Variants in LUZP1 observed in about 807,000 individuals in gnomAD.
The protein encoded by LUZP1 is filamin mechanobinding actin cross-linking protein.
Under a neutral mutation model 71.3 loss-of-function variants are expected in LUZP1, and 25 were observed. The observed-to-expected ratio is 0.35, with a 90% confidence interval of 0.26 to 0.49. LUZP1 has a LOEUF of 0.49. Among genes scored for constraint, LUZP1 ranks in the 20% least tolerant of loss-of-function variants. The pLI, the probability that LUZP1 is intolerant of heterozygous loss-of-function variation, is 0.99. For synonymous variants in LUZP1, 481 were observed against 506.4 expected (o/e 0.95, Z 0.67); for missense variants, 1,142 against 1,300.8 (o/e 0.88, Z 1.88).
intron 2 of LUZP1, among the ~76,000 whole-genome samples, chr1:23,160,895 T>TA (rs1419842154): frequency 6.6e-6 from 1 of 152,218 alleles, no homozygotes; most frequent in Non-Finnish European, 1.5e-5. Flanking sequence ...AGATATGTGA[T>TA]AGTGTGATTT....
chr1:23,098,659 G>A (rs1643907883), intron 3 of LUZP1, among the ~76,000 whole-genome samples: 1 of 152,202 alleles, frequency 6.6e-6, no homozygotes, highest in Non-Finnish European at 1.5e-5. Flanking sequence ...AGCAACGATA[G>A]AGTATTAGGT....
intron 2 of LUZP1, among the ~76,000 whole-genome samples, chr1:23,113,805 G>A (rs927800339): frequency 6.6e-6 from 1 of 151,958 alleles, no homozygotes; most frequent in Admixed American, 6.6e-5. Flanking sequence ...GCCTGAATCC[G>A]GGAGGCAGAG....
chr1:23,164,673 T>C (rs1644496138), intron 2 of LUZP1, among the ~76,000 whole-genome samples: 1 of 152,158 alleles, frequency 6.6e-6, no homozygotes, highest in African/African-American at 2.4e-5. Flanking sequence ...TGAGAAATTA[T>C]GAAAAGGAAG....
At chr1:23,156,533 T>A (rs981716498) in intron 2 of LUZP1, among the ~76,000 whole-genome samples, 1 of 152,198 alleles carries the variant, frequency 6.6e-6, no homozygotes, top group South Asian at 2.1e-4. Flanking sequence ...CAATATTAAT[T>A]TATTAACGTT....
chr1:23,091,872 G>C, exon 4 of LUZP1: 1 of 1,614,154 alleles, frequency 6.2e-7, no homozygotes, highest in South Asian at 1.1e-5. Context: ...TGGATATATA[G>C]TAATGCTACT....
At chr1:23,099,289 T>A (rs987524897) in intron 3 of LUZP1, among the ~76,000 whole-genome samples, 3 of 152,236 alleles carry the variant, frequency 2.0e-5, no homozygotes, top group Admixed American at 1.3e-4. Context: ...ACACCAATTT[T>A]AAATGAGTGT....
chr1:23,103,975 G>T (rs1403682942), intron 3 of LUZP1, among the ~76,000 whole-genome samples: 1 of 150,070 alleles, frequency 6.7e-6, no homozygotes, highest in Non-Finnish European at 1.5e-5. Context: ...TGTATTCGGG[G>T]AATTTAATTC....
chr1:23,164,912 G>C (rs1440655451), intron 2 of LUZP1, among the ~76,000 whole-genome samples: 3 of 152,060 alleles, frequency 2.0e-5, no homozygotes, highest in Non-Finnish European at 4.4e-5. Flanking sequence ...TATTTCAGGA[G>C]CTACCATTTC....
intron 2 of LUZP1, among the ~76,000 whole-genome samples, chr1:23,165,397 C>G (rs1271946931): frequency 6.7e-6 from 1 of 148,970 alleles, no homozygotes; most frequent in Non-Finnish European, 1.5e-5. Flanking sequence ...CCGGGCAGGG[C>G]ATGATGGCTC....
At chr1:23,121,517 A>C (rs182024807) in intron 2 of LUZP1, among the ~76,000 whole-genome samples, 25 of 152,322 alleles carry the variant, frequency 1.6e-4, no homozygotes, top group Middle Eastern at 3.4e-3. Context: ...CAGGAGTTCA[A>C]GACTAGCCTG....
intron 1 of LUZP1, among the ~76,000 whole-genome samples, chr1:23,177,075 G>GT (rs1044061134): frequency 1.9e-5 from 1 of 54,040 alleles, no homozygotes; most frequent in Non-Finnish European, 3.7e-5. Context: ...AAGGATGATG[G>GT]GGGGGGGGTC....
At chr1:23,133,940 G>T (rs1350849040) in intron 2 of LUZP1, among the ~76,000 whole-genome samples, 1 of 152,046 alleles carries the variant, frequency 6.6e-6, no homozygotes, top group African/African-American at 2.4e-5. Flanking sequence ...CGATTTATGG[G>T]ACATTATAAC....
intron 2 of LUZP1, among the ~76,000 whole-genome samples, chr1:23,110,638 A>G (rs929866745): frequency 8.7e-5 from 13 of 149,884 alleles, no homozygotes; most frequent in African/African-American, 3.0e-4. Flanking sequence ...GCACACATAC[A>G]CACACACACA....
chr1:23,085,018 G>A (rs1367986851), exon 5 of LUZP1: 1 of 152,656 alleles, frequency 6.6e-6, no homozygotes, highest in African/African-American at 2.4e-5. Flanking sequence ...AGCCAACAGA[G>A]AGCATTCGCG....
At chr1:23,090,098 C>A (rs1643830337) in intron 4 of LUZP1, among the ~76,000 whole-genome samples, 1 of 150,566 alleles carries the variant, frequency 6.6e-6, no homozygotes, top group African/African-American at 2.5e-5. Context: ...TTCTCCCAAG[C>A]AAATGCAGAT....
Position 23,100,485 on chromosome 1 carries a change from C to A in LUZP1, c.-119-6105G>T, listed in dbSNP as rs920231662. On this transcript the variant is annotated intron_variant, in intron 3 of 4. Transcript: ENST00000302291. ...GGAAGCCCTTTCTTGCAGGTCTATG[C>A]CACACAAACAGGACATAGACATCAA... Among the ~76,000 whole-genome samples the A allele has an allele frequency of 1.4e-4, 21 of 152,272 alleles. No individual in the cohort carries two copies. In the East Asian group the frequency reaches 3.9e-3, roughly 28 times the overall value.
intron 3 of LUZP1, among the ~76,000 whole-genome samples, chr1:23,107,049 C>T (rs1643988637): frequency 6.6e-6 from 1 of 152,226 alleles, no homozygotes; most frequent in African/African-American, 2.4e-5. Context: ...CCTTATGGGT[C>T]CTTATACATG....
At chr1:23,177,731 C>T (rs1644591625) in exon 1 of LUZP1, 1 of 152,196 alleles carries the variant, frequency 6.6e-6, no homozygotes. Flanking sequence ...CCGGCGCGTT[C>T]GCCGTTTGCC....
chr1:23,127,870 T>C (rs1261828399), intron 2 of LUZP1, among the ~76,000 whole-genome samples: 1 of 152,088 alleles, frequency 6.6e-6, no homozygotes, highest in African/African-American at 2.4e-5. Flanking sequence ...TGGTGGCTCA[T>C]GCTTGTAATC....
Sources: gnomAD v4.1 joint callset for allele counts (sites outside exome capture counted in the v4.1 genomes callset) on GRCh38, gnomAD v4.1.1 for gene constraint, MANE v1.5 for transcripts, NCBI Gene and HGNC (gene_info 2026-07-23, HGNC 2026-07-21) for gene names.